The following CROCC2 variants were observed in gnomAD, a reference collection of about 807,000 sequenced individuals.
CROCC2 encodes ciliary rootlet coiled-coil protein 2.
In CROCC2, 163 loss-of-function variants were observed where a neutral mutation model predicts 177.6. That is an observed-to-expected ratio of 0.92 (90% confidence interval 0.81 to 1.05). The LOEUF (loss-of-function observed/expected upper bound fraction) is 1.05, where lower values mean the gene tolerates loss of function less well. Among genes scored for constraint, CROCC2 ranks in the 50% least tolerant of loss-of-function variants. The probability of loss-of-function intolerance (pLI) is 0.00; values close to 1 mark genes in which losing one functional copy is unlikely to be tolerated. For missense variants in CROCC2, 1,929 were observed against 1,797.8 expected, an observed-to-expected ratio of 1.07 and a Z score of -1.32; for synonymous variants, 904 against 787.3, an observed-to-expected ratio of 1.15 and a Z score of -2.48.
intron 28 of CROCC2, chr2:240,983,445 G>A: frequency 1.1e-5 from 14 of 1,260,104 alleles, no homozygotes; most frequent in Non-Finnish European, 1.4e-5. Context: ...AGGCCGCAGA[G>A]GCTCAGCGGC....
rs1276097224 is a variant in CROCC2 at position 240,982,904 on chromosome 2, G to T, written c.4426G>T (p.Ala1476Ser). Reference sequence around the variant, plus strand: ...GGAGCAACTGGAAACGCTGCGCCAGGCTCTTGAAGAGAGCAGGAGGCACAG... The same window carrying T: ...GGAGCAACTGGAAACGCTGCGCCAGTCTCTTGAAGAGAGCAGGAGGCACAG... ...LQEQLETLRQ[A>S]LEESRRHSQG... Residue 1476 changes from alanine (A) to serine (S), a missense_variant, in exon 28 of 32, where the codon GCT becomes TCT. Ala to Ser is a moderately conservative substitution (Grantham distance 99). Transcript: ENST00000690015. The surrounding 1 kb of genome is among the most constrained non-coding windows in gnomAD (Gnocchi z 4.7). 5 of 1,549,556 alleles carry T rather than the reference G, an allele frequency of 3.2e-6. No homozygotes were observed. In the South Asian group the frequency reaches 4.8e-5, roughly 15 times the overall value.
chr2:240,963,452 G>A, intron 20 of CROCC2, 104 bp from the exon 21 acceptor site: 3 of 1,233,120 alleles, frequency 2.4e-6, no homozygotes, highest in Admixed American at 2.9e-5. Flanking sequence ...AAGTTGGGCA[G>A]GGCACCTGTG....
chr2:240,983,974 C>T (rs972482644), intron 28 of CROCC2, among the ~76,000 whole-genome samples: 1 of 152,168 alleles, frequency 6.6e-6, no homozygotes, highest in African/African-American at 2.4e-5. Flanking sequence ...TGTGCAGGTG[C>T]CCCACAACCT....
intron 24 of CROCC2, 34 bp downstream of exon 24, chr2:240,966,027 C>T (rs1186863454): frequency 3.0e-6 from 4 of 1,325,202 alleles, no homozygotes; most frequent in Non-Finnish European, 2.9e-6. Flanking sequence ...GCGGGCCCCT[C>T]TCCCAGCTCA....
At chr2:240,921,716 AC>A (rs2059358380) in intron 3 of CROCC2, among the ~76,000 whole-genome samples, 2 of 151,954 alleles carry the variant, frequency 1.3e-5, no homozygotes, top group South Asian at 4.2e-4. Context: ...CTGGGGTGGC[AC>A]CCCCAGACCC....
chr2:240,926,869 G>T (rs1026244071), intron 5 of CROCC2, among the ~76,000 whole-genome samples: 1 of 152,260 alleles, frequency 6.6e-6, no homozygotes. Context: ...CCTATGCCAG[G>T]CCTTCTGGCT....
intron 27 of CROCC2, chr2:240,981,655 T>A (rs2059801154): frequency 6.6e-6 from 1 of 152,196 alleles, no homozygotes; most frequent in South Asian, 2.1e-4. Flanking sequence ...TAGAAAATTA[T>A]AATTTTCAAA....
chr2:240,966,010 G>T lies in CROCC2; in HGVS notation c.3961+17G>T. 1 of 1,336,280 alleles carries T rather than the reference G, an allele frequency of 7.5e-7. No homozygotes were observed. The highest frequency in any genetic ancestry group is 9.5e-7 in the Non-Finnish European group (1 of 1,050,010). The allele number at this position is 1,336,280 out of a possible 1,614,324, so 82.8% of individuals were successfully genotyped here. A position where few individuals can be genotyped will look rare whatever the true frequency, so the allele number is the denominator to read the frequency against. ...CCACCAAAGGTCAGAGTCCTCAGTG[G>T]AGGCAGGCGGGCCCCTCTCCCAGCT... On this transcript the variant is annotated intron_variant, in intron 24 of 31. Coordinates refer to ENST00000690015, the MANE Select transcript of CROCC2 (RefSeq NM_001351305.2).
At chr2:240,931,208 A>T in intron 7 of CROCC2, 80 bp downstream of exon 7, 1 of 634,968 alleles carries the variant, frequency 1.6e-6, no homozygotes, top group Non-Finnish European at 2.9e-6. Context: ...GCAGCTGTGG[A>T]TCCCAGATGT....
chr2:240,933,469 C>T, intron 10 of CROCC2, 127 bp downstream of exon 10: 1 of 1,158,372 alleles, frequency 8.6e-7, no homozygotes, highest in South Asian at 1.6e-5. Flanking sequence ...TCCTTGCCTT[C>T]TAGCAGAGTT....
intron 1 of CROCC2, among the ~76,000 whole-genome samples, chr2:240,907,097 G>T (rs949983391): frequency 1.3e-5 from 2 of 152,198 alleles, no homozygotes; most frequent in Admixed American, 1.3e-4. Flanking sequence ...CTGACATTCT[G>T]GGACCTCGTT....
chr2:240,922,605 C>A lies in CROCC2; in HGVS notation c.448C>A (p.Leu150Met). The A allele has an allele frequency of 2.9e-6, 2 of 682,298 alleles. No homozygotes were observed. Among genetic ancestry groups the A allele is most frequent in the African/African-American group, 1.8e-5 (1 of 55,718 alleles). The allele number at this position is 682,298 out of a possible 1,614,324, so 42.3% of individuals were successfully genotyped here. A position where few individuals can be genotyped will look rare whatever the true frequency, so the allele number is the denominator to read the frequency against. Residue 150 changes from leucine (L) to methionine (M), a missense_variant, in exon 4 of 32, where the codon CTG (leucine) becomes ATG (methionine). Transcript: ENST00000690015. ...RRSELEHSVD[L>M]EEALGRLEAA... ...GTCAGAGCTGGAGCACAGCGTGGAT[C>A]TGGAGGAGGCCCTTGGCCGTCTGGA...
chr2:240,935,212 G>A (rs2059460612), intron 13 of CROCC2, 146 bp from the exon 14 acceptor site: 3 of 1,208,758 alleles, frequency 2.5e-6, no homozygotes, highest in Non-Finnish European at 3.2e-6. Context: ...ACTAGCCCTG[G>A]CCAGGCCTGA....
chr2:240,922,556 G>T lies in CROCC2; in HGVS notation c.399G>T (p.Glu133Asp). 1 of 695,378 alleles carries T rather than the reference G, an allele frequency of 1.4e-6. No homozygotes were observed. The allele number at this position is 695,378 out of a possible 1,614,324, so 43.1% of individuals were successfully genotyped here. A position where few individuals can be genotyped will look rare whatever the true frequency, so the allele number is the denominator to read the frequency against. Residue 133 changes from glutamate to aspartate, a missense_variant, in exon 4 of 32, where the codon GAG (glutamate) becomes GAT (aspartate). Physicochemically the swap from Glu to Asp is conservative, Grantham distance 45. Coordinates refer to ENST00000690015, the MANE Select transcript of CROCC2 (RefSeq NM_001351305.2). Reference sequence around the variant, plus strand: ...CTCCCCAGCTGCAGGCCCGGCTGGAGACCACCGAGGCTCAGCTGCGGAGGT... The same window carrying T: ...CTCCCCAGCTGCAGGCCCGGCTGGATACCACCGAGGCTCAGCTGCGGAGGT... ...VVSEQLQARL[E>D]TTEAQLRRSE...
At chr2:240,975,466 C>T (rs866860336) in intron 27 of CROCC2, among the ~76,000 whole-genome samples, 1 of 152,224 alleles carries the variant, frequency 6.6e-6, no homozygotes, top group Non-Finnish European at 1.5e-5. Flanking sequence ...ATCAAATTGG[C>T]CCATCGTCGC....
At chr2:240,930,091 A>C (rs62186587) in intron 5 of CROCC2, 75 bp from the exon 6 acceptor site, 134 of 521,284 alleles carry the variant, frequency 2.6e-4, no homozygotes, top group Non-Finnish European at 4.4e-4. Flanking sequence ...AGGGACATGC[A>C]CTTGGAAAAG....
intron 5 of CROCC2, among the ~76,000 whole-genome samples, chr2:240,926,940 A>G (rs74000126): frequency 0.014 from 2,183 of 152,330 alleles, 49 homozygotes; most frequent in African/African-American, 0.05. Context: ...GGACCGCTGG[A>G]CAGGTCACCT....
intron 27 of CROCC2, among the ~76,000 whole-genome samples, chr2:240,976,113 C>T (rs1291142058): frequency 6.6e-6 from 1 of 152,256 alleles, no homozygotes; most frequent in South Asian, 2.1e-4. Flanking sequence ...ACTGCAGCCC[C>T]ACATGCTGGC....
chr2:240,954,299 T>C (rs7585348), intron 18 of CROCC2, among the ~76,000 whole-genome samples: 102,948 of 151,564 alleles, frequency 0.68, 35,734 homozygotes, highest in African/African-American at 0.82. Context: ...CCCAACAGGA[T>C]GCCCTGTCTC....
Sources: gnomAD v4.1 joint callset for allele counts (sites outside exome capture counted in the v4.1 genomes callset) on GRCh38, gnomAD v4.1.1 for gene constraint, Gnocchi (gnomAD v3.1) non-coding constraint, MANE v1.5 for transcripts, NCBI Gene and HGNC (gene_info 2026-07-23, HGNC 2026-07-21) for gene names.